Variants in ASTN1 observed in about 807,000 individuals in gnomAD.
ASTN1 encodes astrotactin-1.
ASTN1 carries 41 observed loss-of-function variants against 140.7 expected under a neutral mutation model. The ratio of observed to expected loss-of-function variants is 0.29; its 90% CI spans 0.23 to 0.38. The LOEUF (loss-of-function observed/expected upper bound fraction) is 0.38. Ranked by LOEUF, ASTN1 falls within the 10% of genes least tolerant of loss-of-function variation. The pLI, the probability that ASTN1 is intolerant of heterozygous loss-of-function variation, is 1.00. For synonymous variants in ASTN1, 640 were observed against 652.2 expected, an observed-to-expected ratio of 0.98 and a Z score of 0.29; for missense variants, 1,479 against 1,678.8, an observed-to-expected ratio of 0.88 and a Z score of 2.08.
intron 16 of ASTN1, among the ~76,000 whole-genome samples, chr1:176,910,743 C>T (rs111254192): frequency 6.6e-6 from 1 of 152,138 alleles, no homozygotes; most frequent in South Asian, 2.1e-4. Context: ...TGGTACCAGT[C>T]CATGGACTGT....
rs762219989 is a variant in ASTN1 at position 176,868,878 on chromosome 1, A to G, written c.3613T>C (p.Phe1205Leu). The G allele has an allele frequency of 6.2e-7, 1 of 1,607,862 alleles. No individual in the cohort carries two copies. Among genetic ancestry groups the G allele is most frequent in the African/African-American group, 1.3e-5 (1 of 74,814 alleles). The change falls in exon 22 of 23, where the codon TTC becomes CTC. Residue 1205 changes from phenylalanine (F) to leucine (L), a missense_variant. Physicochemically the swap from Phe to Leu is conservative, Grantham distance 22 (BLOSUM62 0). This residue lies in a region of ASTN1 where 746 missense variants were observed against 800.9 expected (regional missense o/e 0.93). Coordinates refer to ENST00000361833, the MANE Select transcript of ASTN1 (RefSeq NM_004319.3). ...AACTCATCCTCACATCGCCAGGTGA[A>G]TTCCCCAAAACTCTCATAGTGCTGG... Reference protein sequence around the residue: ...YNQHYESFGEFTWRCEDELGP... With the variant: ...YNQHYESFGELTWRCEDELGP...
chr1:176,875,450 A>C lies in ASTN1; in HGVS notation c.3463+1087T>G, dbSNP rs771724838. Among the ~76,000 whole-genome samples the C allele has an allele frequency of 4.6e-4, 70 of 152,186 alleles. 3 individuals are homozygous for C. Among genetic ancestry groups the C allele is most frequent in the Admixed American group, 1.3e-4 (2 of 15,280 alleles). On this transcript the variant is annotated intron_variant, in intron 21 of 22. Coordinates refer to ENST00000361833, the MANE Select transcript of ASTN1 (RefSeq NM_004319.3). The stretch of plus-strand genomic sequence containing the variant: ...GATATGATCAGGTGTCTGTGTTGGA[A>C]ATAACCCTACCTTTAACATGCTCTG...
intron 15 of ASTN1, 131 bp downstream of exon 15, chr1:176,936,135 T>C (rs534169880): frequency 1.3e-6 from 1 of 780,196 alleles, no homozygotes; most frequent in African/African-American, 1.7e-5. Flanking sequence ...TCTGAGTAAA[T>C]AGCTCACACA....
intron 1 of ASTN1, among the ~76,000 whole-genome samples, chr1:177,120,898 C>T (rs1044057387): frequency 3.3e-5 from 5 of 152,120 alleles, no homozygotes; most frequent in Non-Finnish European, 5.9e-5. Flanking sequence ...AGATCTAATA[C>T]GGATATTGCC....
At chr1:176,902,467 G>A (rs571421678) in intron 16 of ASTN1, among the ~76,000 whole-genome samples, 2 of 152,168 alleles carry the variant, frequency 1.3e-5, no homozygotes, top group African/African-American at 4.8e-5. Flanking sequence ...CCTCTTAATA[G>A]GCATGTTGTC....
intron 8 of ASTN1, among the ~76,000 whole-genome samples, chr1:176,966,882 T>A (rs927234096): frequency 6.6e-6 from 1 of 152,188 alleles, no homozygotes; most frequent in East Asian, 1.9e-4. Context: ...TAATTAATAT[T>A]GAGACACTAT....
chr1:176,859,601 C>T (rs969530809), downstream of ASTN1, among the ~76,000 whole-genome samples: 19 of 152,044 alleles, frequency 1.2e-4, no homozygotes, highest in African/African-American at 2.4e-4. Flanking sequence ...CCTAACAGGG[C>T]GGAACCCTGT....
chr1:177,069,107 C>T (rs1002759284), intron 1 of ASTN1, among the ~76,000 whole-genome samples: 2 of 152,062 alleles, frequency 1.3e-5, no homozygotes, highest in Non-Finnish European at 2.9e-5. Flanking sequence ...CAGCTCAATC[C>T]AGCCTATCAA....
At chr1:177,091,653 G>T (rs1209637722) in intron 1 of ASTN1, among the ~76,000 whole-genome samples, 1 of 151,992 alleles carries the variant, frequency 6.6e-6, no homozygotes, top group Non-Finnish European at 1.5e-5. Context: ...TCTAATTCTA[G>T]AACAGTTCTA....
chr1:176,930,387 A>T (rs1671155883), intron 16 of ASTN1, among the ~76,000 whole-genome samples: 1 of 152,164 alleles, frequency 6.6e-6, no homozygotes. Flanking sequence ...CTCAGAAAAA[A>T]GGAGAGAATT....
intron 13 of ASTN1, among the ~76,000 whole-genome samples, chr1:176,944,362 T>C (rs1438180853): frequency 6.6e-6 from 1 of 152,080 alleles, no homozygotes; most frequent in Non-Finnish European, 1.5e-5. Context: ...TGGGCTCAGG[T>C]GATCCTCCCA....
At chr1:176,932,130 T>G (rs1367300608) in intron 16 of ASTN1, among the ~76,000 whole-genome samples, 1 of 152,188 alleles carries the variant, frequency 6.6e-6, no homozygotes, top group Non-Finnish European at 1.5e-5. Flanking sequence ...CCATACGTAA[T>G]TTTAGGTATC....
intron 1 of ASTN1, among the ~76,000 whole-genome samples, chr1:177,154,307 T>G (rs1683156037): frequency 6.6e-6 from 1 of 152,180 alleles, no homozygotes; most frequent in Admixed American, 6.5e-5. Context: ...TGGGCATGTT[T>G]TATATATTCA....
At chr1:177,066,587 C>A (rs917419961) in intron 1 of ASTN1, among the ~76,000 whole-genome samples, 4 of 152,158 alleles carry the variant, frequency 2.6e-5, no homozygotes, top group African/African-American at 9.7e-5. Context: ...GTGCCCTGTT[C>A]CCTCTTTGGG....
intron 16 of ASTN1, among the ~76,000 whole-genome samples, chr1:176,928,183 T>C (rs561664852): frequency 1.3e-5 from 2 of 152,150 alleles, no homozygotes; most frequent in East Asian, 1.9e-4. Context: ...CTTCTAAAGC[T>C]TGCTTTGTTC....
chr1:176,901,650 C>A (rs1344456502), intron 16 of ASTN1, among the ~76,000 whole-genome samples: 1 of 152,200 alleles, frequency 6.6e-6, no homozygotes, highest in African/African-American at 2.4e-5. Flanking sequence ...TGTGATGGAG[C>A]ATGAAACCCT....
chr1:177,076,841 C>T (rs907419523), intron 1 of ASTN1, among the ~76,000 whole-genome samples: 43 of 151,992 alleles, frequency 2.8e-4, no homozygotes, highest in Non-Finnish European at 8.8e-5. Flanking sequence ...TCTGAGACTG[C>T]GTTATAGATG....
chr1:176,909,898 C>T (rs992088931), intron 16 of ASTN1, among the ~76,000 whole-genome samples: 9 of 152,254 alleles, frequency 5.9e-5, no homozygotes, highest in Non-Finnish European at 1.2e-4. Flanking sequence ...ATGTCATGAA[C>T]TCTATTTCCA....
At chr1:176,860,623 T>C (rs1667931718), downstream of ASTN1, among the ~76,000 whole-genome samples, 1 of 152,188 alleles carries the variant, frequency 6.6e-6, no homozygotes, top group South Asian at 2.1e-4. Context: ...TTCTTCAACA[T>C]TTTTCTTAAA....
Sources: allele counts gnomAD v4.1 joint callset (sites outside exome capture counted in the v4.1 genomes callset), GRCh38; gene constraint gnomAD v4.1.1; regional missense constraint gnomAD v4.1.1; transcripts MANE v1.5; gene names NCBI Gene and HGNC (gene_info 2026-07-23, HGNC 2026-07-21).